HEMK2: variants seen among roughly 807,000 people sequenced by gnomAD.
HEMK2 encodes HemK methyltransferase 2, ETF1 glutamine and histone H4 lysine.
chr21:28,599,924 C>T, the HEMK2 span, among the ~76,000 whole-genome samples: 2,713 of 152,298 alleles, frequency 0.018, 107 homozygotes, highest in African/African-American at 0.063. Context: ...CCTTTGACTC[C>T]GTGTCTCACA....
At chr21:28,885,037 T>A in the HEMK2 span, among the ~76,000 whole-genome samples, 1 of 152,120 alleles carries the variant, frequency 6.6e-6, no homozygotes, top group Non-Finnish European at 1.5e-5. Context: ...GGCACACTCA[T>A]TACTTGTAGC....
the HEMK2 span, among the ~76,000 whole-genome samples, chr21:28,746,034 T>C: frequency 2.0e-5 from 3 of 152,194 alleles, no homozygotes; most frequent in Non-Finnish European, 2.9e-5. Flanking sequence ...TAGCAAAATC[T>C]TGTAACATAT....
the HEMK2 span, among the ~76,000 whole-genome samples, chr21:28,803,693 T>A: frequency 6.6e-6 from 1 of 152,204 alleles, no homozygotes; most frequent in Non-Finnish European, 1.5e-5. Flanking sequence ...AACTCTCTCC[T>A]CCCGTTTACA....
the HEMK2 span, among the ~76,000 whole-genome samples, chr21:28,733,441 C>T: frequency 1.3e-5 from 2 of 152,204 alleles, no homozygotes; most frequent in Admixed American, 1.3e-4. Context: ...AGCTGAAAAT[C>T]CCATCATGTA....
the HEMK2 span, among the ~76,000 whole-genome samples, chr21:28,609,988 G>T: frequency 9.2e-5 from 14 of 152,306 alleles, no homozygotes; most frequent in South Asian, 2.5e-3. Context: ...ATATTTGAGG[G>T]AATCATCCAG....
At chr21:28,683,668 T>C in the HEMK2 span, among the ~76,000 whole-genome samples, 1 of 152,150 alleles carries the variant, frequency 6.6e-6, no homozygotes, top group Non-Finnish European at 1.5e-5. Flanking sequence ...TAGAACTCTC[T>C]GAAAGTCTTA....
At chr21:28,718,542 T>C in the HEMK2 span, among the ~76,000 whole-genome samples, 14 of 152,158 alleles carry the variant, frequency 9.2e-5, no homozygotes, top group East Asian at 1.5e-3. Context: ...TAACTATTAC[T>C]GTGTGGCTAA....
At chr21:28,773,235 C>T in the HEMK2 span, among the ~76,000 whole-genome samples, 2 of 152,120 alleles carry the variant, frequency 1.3e-5, no homozygotes, top group Non-Finnish European at 2.9e-5. Context: ...GAATAATGCA[C>T]TGAATATTTG....
the HEMK2 span, among the ~76,000 whole-genome samples, chr21:28,604,599 T>C: frequency 2.0e-5 from 3 of 151,266 alleles, no homozygotes; most frequent in African/African-American, 7.3e-5. Flanking sequence ...GTAAATGACC[T>C]GCTGTACAAA....
chr21:28,623,845 G>A, the HEMK2 span, among the ~76,000 whole-genome samples: 6 of 152,124 alleles, frequency 3.9e-5, no homozygotes, highest in Non-Finnish European at 8.8e-5. Context: ...GGGCTAAGGG[G>A]CTAGGAGAGG....
At chr21:28,680,931 C>A in the HEMK2 span, among the ~76,000 whole-genome samples, 1,539 of 152,196 alleles carry the variant, frequency 0.01, 11 homozygotes, top group Non-Finnish European at 0.015. Context: ...TATGACAAAA[C>A]CACAGCCAAT....
At chr21:28,657,632 C>T in the HEMK2 span, among the ~76,000 whole-genome samples, 3,748 of 152,084 alleles carry the variant, frequency 0.025, 142 homozygotes, top group African/African-American at 0.085. Context: ...GATTCATATC[C>T]TCATAACTTG....
At chr21:28,670,784 A>T in the HEMK2 span, among the ~76,000 whole-genome samples, 4 of 152,212 alleles carry the variant, frequency 2.6e-5, no homozygotes, top group Admixed American at 2.6e-4. Context: ...CATGTCTTAC[A>T]TGGCAGCAGG....
the HEMK2 span, among the ~76,000 whole-genome samples, chr21:28,617,573 A>T: frequency 6.6e-6 from 1 of 152,188 alleles, no homozygotes; most frequent in Admixed American, 6.5e-5. Flanking sequence ...CCATTGCCGC[A>T]TGGAGAGATG....
chr21:28,814,650 T>C, the HEMK2 span, among the ~76,000 whole-genome samples: 33 of 152,044 alleles, frequency 2.2e-4, no homozygotes, highest in African/African-American at 7.5e-4. Flanking sequence ...TCACTGGCCA[T>C]CAGAGAAATG....
chr21:28,697,659 G>A, the HEMK2 span, among the ~76,000 whole-genome samples: 778 of 149,126 alleles, frequency 5.2e-3, 5 homozygotes, highest in Non-Finnish European at 8.3e-3. Flanking sequence ...CTCTTGCCAG[G>A]TAATCTTTGC....
At chr21:28,807,922 G>C in the HEMK2 span, among the ~76,000 whole-genome samples, 5 of 152,100 alleles carry the variant, frequency 3.3e-5, no homozygotes, top group African/African-American at 1.2e-4. Context: ...CTTAATTACA[G>C]GAGGTGATGT....
At chr21:28,876,904 G>A in the HEMK2 span, among the ~76,000 whole-genome samples, 1 of 149,932 alleles carries the variant, frequency 6.7e-6, no homozygotes, top group African/African-American at 2.5e-5. Flanking sequence ...GAAAGAAGTA[G>A]CTTATTTCTT....
chr21:28,601,255 A>C, the HEMK2 span, among the ~76,000 whole-genome samples: 2 of 152,172 alleles, frequency 1.3e-5, no homozygotes, highest in East Asian at 1.9e-4. Flanking sequence ...ACTGGGCGCA[A>C]ACCTCCAAAT....
Sources: allele counts gnomAD v4.1 joint callset (sites outside exome capture counted in the v4.1 genomes callset), GRCh38; gene constraint gnomAD v4.1.1; transcripts MANE v1.5; gene names NCBI Gene and HGNC (gene_info 2026-07-23, HGNC 2026-07-21).